The following ZNRF3 variants were observed in gnomAD, a reference collection of about 807,000 sequenced individuals.
ZNRF3 encodes the protein zinc and ring finger 3.
ZNRF3 carries 23 observed loss-of-function variants against 72.5 expected under a neutral mutation model. That is an observed-to-expected ratio of 0.32 (90% CI 0.23 to 0.45). ZNRF3 has a LOEUF of 0.45. Ranked by LOEUF, ZNRF3 falls within the 20% of genes least tolerant of loss-of-function variation. The pLI, the probability that ZNRF3 is intolerant of heterozygous loss-of-function variation, is 1.00. For synonymous variants in ZNRF3, 610 were observed against 545.3 expected (o/e 1.12, Z -1.65); for missense variants, 1,169 against 1,272.1 (o/e 0.92, Z 1.23).
intron 2 of ZNRF3, among the ~76,000 whole-genome samples, chr22:29,018,960 G>A (rs1004308585): frequency 1.2e-4 from 18 of 151,098 alleles, no homozygotes; most frequent in Admixed American, 3.3e-4. Flanking sequence ...TCTGTGGTCA[G>A]CTAGTGGTTC....
intron 2 of ZNRF3, among the ~76,000 whole-genome samples, chr22:29,005,278 G>A (rs1435612579): frequency 6.6e-6 from 1 of 152,252 alleles, no homozygotes; most frequent in East Asian, 1.9e-4. Flanking sequence ...AGGCTGTGCA[G>A]CCTCACAGAA....
At chr22:28,887,229 AGAGAGAGTGTGTGTGTGT>A (rs1225565059) in intron 1 of ZNRF3, among the ~76,000 whole-genome samples, 1 of 139,068 alleles carries the variant, frequency 7.2e-6, no homozygotes. Flanking sequence ...GAAGAGAGAG[AGAGAGAGTGTGTGTGTGT>A]GTGTGTGTGT....
chr22:28,981,089 C>T (rs1341112476), intron 1 of ZNRF3, among the ~76,000 whole-genome samples: 2 of 152,172 alleles, frequency 1.3e-5, no homozygotes, highest in African/African-American at 4.8e-5. Context: ...AAGTATCCTA[C>T]GATGAATTTT....
chr22:28,908,678 G>A lies in ZNRF3; in HGVS notation c.300+24612G>A, dbSNP rs148546211. Among the ~76,000 whole-genome samples the A allele has an allele frequency of 8.1e-3, 1,226 of 152,244 alleles. 17 individuals are homozygous for A. Among genetic ancestry groups the A allele is most frequent in the African/African-American group, 0.028 (1,176 of 41,546 alleles). ...TGGCTCTCCTTCTTTAGACTTAGCCGGATTGCTGGATGCGCGGTCAGTTGG... is the reference window on the plus strand; with the variant it reads ...TGGCTCTCCTTCTTTAGACTTAGCCAGATTGCTGGATGCGCGGTCAGTTGG... On this transcript the variant is annotated intron_variant, in intron 1 of 8. Coordinates refer to ENST00000544604, the MANE Select transcript of ZNRF3 (RefSeq NM_001206998.2).
In ZNRF3 at chr22:29,050,020, G is replaced by A. The variant is rs762283252; in HGVS notation, c.1839G>A (p.Ser613=). 3.7e-6 allele frequency: 6 copies of A among 1,610,450 alleles called. No individual in the cohort carries two copies. The highest frequency in any genetic ancestry group is 3.3e-5 in the South Asian group (3 of 90,732). The change falls in exon 8 of 9, where the codon TCG becomes TCA. Residue 613 remains serine (S), a synonymous_variant. Coordinates refer to ENST00000544604, the MANE Select transcript of ZNRF3 (RefSeq NM_001206998.2). ...SPCRASEAGG[S]GSSGRGPALC... ...GTCGTGCCAGTGAGGCGGGGGGCTC[G>A]GGCAGCTCGGGCCGGGGACCTGCCC... is the stretch of plus-strand genomic sequence containing the variant.
intron 1 of ZNRF3, among the ~76,000 whole-genome samples, chr22:28,900,935 TC>T (rs2034090135): frequency 6.6e-6 from 1 of 151,822 alleles, no homozygotes. Flanking sequence ...GCGAGACTGT[TC>T]CTACAACAAA....
At chr22:28,995,739 A>G (rs1410013565) in intron 2 of ZNRF3, among the ~76,000 whole-genome samples, 2 of 151,682 alleles carry the variant, frequency 1.3e-5, no homozygotes, top group East Asian at 1.9e-4. Context: ...AGGGATTCTC[A>G]AGGTCTTTTC....
intron 1 of ZNRF3, 136 bp downstream of exon 1, chr22:28,884,202 C>T (rs2033723083): frequency 1.5e-6 from 1 of 663,042 alleles, no homozygotes; most frequent in African/African-American, 2.0e-5. Context: ...CGGCATCCCT[C>T]CCCTGCGGGC....
chr22:28,999,162 A>G (rs5762943), intron 2 of ZNRF3, among the ~76,000 whole-genome samples: 1 of 131,238 alleles, frequency 7.6e-6, no homozygotes, highest in Non-Finnish European at 1.6e-5. Flanking sequence ...TAATAAAAAT[A>G]CAAAAAAAAA....
At position 28,954,762 on chromosome 22, in the gene ZNRF3, GTGCCACCA is replaced by G. The variant is rs66801830; in HGVS notation, c.301-32309_301-32302del. ...CCTGAGTAGCTGGGACTACAGGTGT[GTGCCACCA>G]TGCCCAACTAATTTTTGTATGTTTT... On this transcript the variant is annotated intron_variant, in intron 1 of 8. Transcript: ENST00000544604. Among the ~76,000 whole-genome samples the G allele has an allele frequency of 3.0e-3, 455 of 152,126 alleles. 14 individuals carry two copies. In the East Asian group the frequency reaches 0.053, roughly 18 times the overall value.
intron 1 of ZNRF3, among the ~76,000 whole-genome samples, chr22:28,886,320 A>T (rs1453390795): frequency 6.6e-6 from 1 of 152,220 alleles, no homozygotes; most frequent in Non-Finnish European, 1.5e-5. Flanking sequence ...GCTGAGAGGG[A>T]ATATAACATT....
intron 1 of ZNRF3, among the ~76,000 whole-genome samples, chr22:28,974,404 A>G (rs1003970522): frequency 1.3e-5 from 2 of 152,216 alleles, no homozygotes; most frequent in African/African-American, 2.4e-5. Context: ...GCAGATGCAT[A>G]TACATTTTAT....
intron 2 of ZNRF3, among the ~76,000 whole-genome samples, chr22:28,994,184 T>TTTTTTTTTTTTTC (rs2036007783): frequency 1.0e-5 from 1 of 98,034 alleles, no homozygotes; most frequent in Non-Finnish European, 2.0e-5. Flanking sequence ...TTCTTTTTTT[T>TTTTTTTTTTTTTC]TTTTTTTTTT....
At chr22:28,920,374 G>A (rs920443623) in intron 1 of ZNRF3, among the ~76,000 whole-genome samples, 1 of 151,724 alleles carries the variant, frequency 6.6e-6, no homozygotes, top group African/African-American at 2.4e-5. Flanking sequence ...GGGTTCAAAC[G>A]ATTCTCGTGC....
At position 29,000,935 on chromosome 22, in the gene ZNRF3, C is replaced by T. The variant is rs1029661948; in HGVS notation, c.426+13734C>T. On this transcript the variant is annotated intron_variant, in intron 2 of 8. Coordinates refer to ENST00000544604, the MANE Select transcript of ZNRF3 (RefSeq NM_001206998.2). ...TCCTGAGTAGCTGGGACTATAGGCA[C>T]GCCCACCACACCCAGCTCATTTTTA... 9.2e-5 allele frequency among the ~76,000 whole-genome samples: 14 copies of T among 152,010 alleles called. No individual in the cohort carries two copies. In the East Asian group the frequency reaches 1.7e-3, roughly 19 times the overall value.
At chr22:29,021,217 A>G (rs1011643550) in intron 2 of ZNRF3, among the ~76,000 whole-genome samples, 1 of 152,042 alleles carries the variant, frequency 6.6e-6, no homozygotes, top group Admixed American at 6.6e-5. Context: ...TGGGGAAACG[A>G]GCGAAACTCT....
At position 28,998,329 on chromosome 22, in the gene ZNRF3, A is replaced by G. The variant is rs573421143; in HGVS notation, c.426+11128A>G. On this transcript the variant is annotated intron_variant, in intron 2 of 8. Coordinates refer to ENST00000544604, the MANE Select transcript of ZNRF3 (RefSeq NM_001206998.2). The stretch of plus-strand genomic sequence containing the variant: ...AAAAAGTATGTAAAGTTCTTGGAAT[A>G]TGTGAATACTCAACAAATATCACTA... Among the ~76,000 whole-genome samples, 49 of 152,250 alleles carry G rather than the reference A, an allele frequency of 3.2e-4. No individual in the cohort carries two copies. In the South Asian group the frequency reaches 9.8e-3, roughly 30 times the overall value.
At chr22:29,015,287 C>A (rs925900046) in intron 2 of ZNRF3, among the ~76,000 whole-genome samples, 2 of 152,140 alleles carry the variant, frequency 1.3e-5, no homozygotes, top group South Asian at 2.1e-4. Flanking sequence ...CTATAACTTA[C>A]CAGTTTGAAT....
At chr22:28,959,269 C>T (rs1270296357) in intron 1 of ZNRF3, among the ~76,000 whole-genome samples, 1 of 152,204 alleles carries the variant, frequency 6.6e-6, no homozygotes, top group Non-Finnish European at 1.5e-5. Context: ...TAGGTGAACA[C>T]CTCACCTTAT....
Sources: allele counts gnomAD v4.1 joint callset (sites outside exome capture counted in the v4.1 genomes callset), GRCh38; gene constraint gnomAD v4.1.1; transcripts MANE v1.5; gene names NCBI Gene and HGNC (gene_info 2026-07-23, HGNC 2026-07-21).